TAOK3: variants seen among roughly 807,000 people sequenced by gnomAD.
TAOK3 encodes the protein TAO kinase 3, also known as serine/threonine-protein kinase TAO3.
TAOK3 carries 40 observed loss-of-function variants against 120.4 expected under a neutral mutation model. That is an observed-to-expected ratio of 0.33 (90% CI 0.26 to 0.43). The LOEUF (loss-of-function observed/expected upper bound fraction) is 0.43, where lower values mean the gene tolerates loss of function less well. Among genes scored for constraint, TAOK3 ranks in the 20% least tolerant of loss-of-function variants. The probability of loss-of-function intolerance (pLI) is 1.00; values close to 1 mark genes in which losing one functional copy is unlikely to be tolerated. For missense variants in TAOK3, 821 were observed against 1,112.1 expected (o/e 0.74, Z 3.72); for synonymous variants, 355 against 387.5 (o/e 0.92, Z 0.99).
At chr12:118,172,339 G>C in intron 17 of TAOK3, 118 bp downstream of exon 17, 2 of 1,086,484 alleles carry the variant, frequency 1.8e-6, no homozygotes, top group South Asian at 2.8e-5. Context: ...GTTAGCCACT[G>C]TGCTAAAAGG....
intron 12 of TAOK3, chr12:118,201,094 G>C (rs950556707): frequency 2.2e-6 from 1 of 450,354 alleles, no homozygotes; most frequent in African/African-American, 2.0e-5. Context: ...CCCTGCAATG[G>C]GGTTACACCT....
intron 1 of TAOK3, among the ~76,000 whole-genome samples, chr12:118,346,802 G>T (rs777146547): frequency 1.3e-5 from 2 of 152,276 alleles, no homozygotes; most frequent in Non-Finnish European, 2.9e-5. Context: ...CTGAGATAAT[G>T]CAAGGTATTT....
chr12:118,344,866 C>A (rs114103197), intron 1 of TAOK3, among the ~76,000 whole-genome samples: 2,096 of 152,024 alleles, frequency 0.014, 51 homozygotes, highest in African/African-American at 0.048. Context: ...GTTATATTTA[C>A]ACTTTATTTC....
At chr12:118,250,562 C>T (rs910772400) in intron 3 of TAOK3, among the ~76,000 whole-genome samples, 2 of 152,250 alleles carry the variant, frequency 1.3e-5, no homozygotes, top group East Asian at 1.9e-4. Context: ...TTAGCAGTAC[C>T]AAGTTCTCAG....
Position 118,239,693 on chromosome 12 carries a change from C to G in TAOK3, c.295-421G>C, listed in dbSNP as rs536248943. On this transcript the variant is annotated intron_variant, in intron 5 of 20. Transcript: ENST00000392533. ...GTTATACCAGTTAAATAAAATAAAC[C>G]AGTAAGTAGTAAATTCCTTTTTTTC... Among the ~76,000 whole-genome samples, 10 of 152,198 alleles carry G rather than the reference C, an allele frequency of 6.6e-5. No homozygotes were observed. The East Asian group carries it at 1.9e-3, about 29-fold the overall frequency.
intron 1 of TAOK3, among the ~76,000 whole-genome samples, chr12:118,275,777 TTAATAA>T (rs1457602520): frequency 3.9e-5 from 6 of 152,154 alleles, no homozygotes; most frequent in Non-Finnish European, 5.9e-5. Flanking sequence ...ACATGAAGTA[TTAATAA>T]ATATAAAGAG....
rs1199968169 is a variant in TAOK3, at chr12:118,235,550, C to G, written c.551+8G>C. 1 of 1,606,172 alleles carries G rather than the reference C, an allele frequency of 6.2e-7. No homozygotes were observed. The highest frequency in any genetic ancestry group is 8.5e-7 in the Non-Finnish European group (1 of 1,173,422). ...TAAAACTATGTCATATAGCCTAATT[C>G]TACATACCAGTAAGGTGTGCCCACG... is the stretch of plus-strand genomic sequence containing the variant. On this transcript the variant is annotated splice_region_variant and intron_variant, in intron 8 of 20. Transcript: ENST00000392533.
chr12:118,344,934 C>T (rs981361882), intron 1 of TAOK3, among the ~76,000 whole-genome samples: 1 of 151,962 alleles, frequency 6.6e-6, no homozygotes, highest in Non-Finnish European at 1.5e-5. Context: ...TTGTTAATAC[C>T]CATGCCCCTC....
intron 1 of TAOK3, among the ~76,000 whole-genome samples, chr12:118,340,264 C>A (rs2044558636): frequency 6.6e-6 from 1 of 152,176 alleles, no homozygotes; most frequent in East Asian, 1.9e-4. Flanking sequence ...GACACCCCAC[C>A]TTCCCTCCCA....
Position 118,333,962 on chromosome 12 carries a change from C to A in TAOK3, c.-194+38686G>T, listed in dbSNP as rs1333357395. On this transcript the variant is annotated intron_variant, in intron 1 of 20. Coordinates refer to ENST00000392533, the MANE Select transcript of TAOK3 (RefSeq NM_016281.4). ...ACCAGCCTGACCAACATGGAGAAACCCCATCTCTACTAAAAATACAAAATT... is the reference window on the plus strand; with the variant it reads ...ACCAGCCTGACCAACATGGAGAAACACCATCTCTACTAAAAATACAAAATT... Among the ~76,000 whole-genome samples, 3 of 151,354 alleles carry A rather than the reference C, an allele frequency of 2.0e-5. No individual in the cohort carries two copies. In the East Asian group the frequency reaches 5.8e-4, roughly 29 times the overall value.
chr12:118,353,855 A>T (rs765449732), intron 1 of TAOK3, among the ~76,000 whole-genome samples: 10 of 152,196 alleles, frequency 6.6e-5, no homozygotes, highest in Non-Finnish European at 1.0e-4. Context: ...TATATTCACA[A>T]CGGCTAAACA....
chr12:118,196,089 AT>A (rs2037714096), intron 13 of TAOK3, among the ~76,000 whole-genome samples: 6 of 151,364 alleles, frequency 4.0e-5, no homozygotes, highest in African/African-American at 1.5e-4. Context: ...AAATAAATAA[AT>A]AAATAAAAGG....
intron 9 of TAOK3, among the ~76,000 whole-genome samples, chr12:118,223,238 T>A (rs2039333596): frequency 6.7e-6 from 1 of 149,664 alleles, no homozygotes; most frequent in Non-Finnish European, 1.5e-5. Context: ...GCCCGGCTAA[T>A]TTTTTTGTAT....
rs149398919 is a variant in TAOK3 at position 118,162,130 on chromosome 12, T to C, written c.1900-103A>G. ...GGGCAAGGAATGGCACTGCTAACCATCTCTTAATTAAACCCATTAGTGTTT... is the reference window on the plus strand; with the variant it reads ...GGGCAAGGAATGGCACTGCTAACCACCTCTTAATTAAACCCATTAGTGTTT... On this transcript the variant is annotated intron_variant, in intron 17 of 20. Coordinates refer to ENST00000392533, the MANE Select transcript of TAOK3 (RefSeq NM_016281.4). The C allele has an allele frequency of 5.1e-5, 72 of 1,405,814 alleles. No individual in the cohort carries two copies. The African/African-American group carries it at 9.2e-4, about 18-fold the overall frequency. 87.1% of individuals were successfully genotyped at this position (1,405,814 alleles called of 1,614,324 possible).
chr12:118,326,181 T>A (rs909825817), intron 1 of TAOK3, among the ~76,000 whole-genome samples: 6 of 152,336 alleles, frequency 3.9e-5, no homozygotes, highest in South Asian at 2.1e-4. Flanking sequence ...TTGATTTTAT[T>A]TTTTGTATAT....
At chr12:118,306,372 C>A (rs959824419) in intron 1 of TAOK3, among the ~76,000 whole-genome samples, 2 of 152,060 alleles carry the variant, frequency 1.3e-5, no homozygotes, top group African/African-American at 4.8e-5. Context: ...TAGATAGGGT[C>A]TCACTATGTT....
intron 1 of TAOK3, among the ~76,000 whole-genome samples, chr12:118,360,543 G>A (rs1343890758): frequency 6.7e-6 from 1 of 149,458 alleles, no homozygotes; most frequent in East Asian, 2.0e-4. Context: ...ACTCCAGCCC[G>A]GGCGACACAG....
chr12:118,290,113 T>C (rs1257391302), intron 1 of TAOK3, among the ~76,000 whole-genome samples: 1 of 152,226 alleles, frequency 6.6e-6, no homozygotes, highest in Non-Finnish European at 1.5e-5. Flanking sequence ...GCCAGTGTTA[T>C]TAACCTGAAA....
rs1240954175 is a variant in TAOK3, at chr12:118,246,710, G to A, written c.121-1745C>T. On this transcript the variant is annotated intron_variant, in intron 3 of 20. Coordinates refer to ENST00000392533, the MANE Select transcript of TAOK3 (RefSeq NM_016281.4). ...GCACTGGCATCGTCTCCGCACCTGT[G>A]CCTAAGAAGCTGCTCATGATGGCTG... 3 of 1,588,954 alleles carry A rather than the reference G, an allele frequency of 1.9e-6. No individual in the cohort carries two copies. The African/African-American group carries it at 4.0e-5, about 21-fold the overall frequency.
Sources: allele counts gnomAD v4.1 joint callset (sites outside exome capture counted in the v4.1 genomes callset), GRCh38; gene constraint gnomAD v4.1.1; transcripts MANE v1.5; gene names NCBI Gene and HGNC (gene_info 2026-07-23, HGNC 2026-07-21).